SLC25A6: variants seen among roughly 807,000 people sequenced by gnomAD.
The protein encoded by SLC25A6 is solute carrier family 25 member 6.
SLC25A6 carries 9 observed loss-of-function variants against 25.7 expected under a neutral mutation model. That is an observed-to-expected ratio of 0.35 (90% CI 0.21 to 0.61). The LOEUF is 0.61. Ranked by LOEUF, SLC25A6 falls within the 20% of genes least tolerant of loss-of-function variation. The pLI, the probability that SLC25A6 is intolerant of heterozygous loss-of-function variation, is 0.76. For synonymous variants in SLC25A6, 223 were observed against 197.0 expected, an observed-to-expected ratio of 1.13 and a Z score of -1.11; for missense variants, 404 against 440.5, an observed-to-expected ratio of 0.92 and a Z score of 0.74.
chrX:1,388,476 T>C lies in SLC25A6; in HGVS notation c.598+765A>G, dbSNP rs1267888768. On this transcript the variant is annotated intron_variant, in intron 2 of 3. Transcript: ENST00000381401. ...CCCTGCCCACACCTGGATCTCAGACTTCCAGCCTCCAGGACTGTGGGAGAA... is the reference window on the plus strand; with the variant it reads ...CCCTGCCCACACCTGGATCTCAGACCTCCAGCCTCCAGGACTGTGGGAGAA... 2.0e-3 allele frequency among the ~76,000 whole-genome samples: 235 copies of C among 119,796 alleles called. No individual in the cohort carries two copies. The Middle Eastern group carries it at 0.028, about 14-fold the overall frequency. 78.6% of individuals were successfully genotyped at this position (119,796 alleles called of 152,430 possible).
At chrX:1,387,080 G>A (rs2089334930) in intron 3 of SLC25A6, among the ~76,000 whole-genome samples, 199 bp downstream of exon 3, 2 of 152,058 alleles carry the variant, frequency 1.3e-5, no homozygotes, top group Non-Finnish European at 2.9e-5. Context: ...ACTGCCGCCC[G>A]GACCATGAAA....
At position 1,387,263 on chromosome X, in the gene SLC25A6, C is replaced by T; in HGVS notation, c.739+16G>A. The T allele has an allele frequency of 1.2e-6, 2 of 1,609,280 alleles. No homozygotes were observed. The highest frequency in any genetic ancestry group is 1.7e-6 in the Non-Finnish European group (2 of 1,177,782). ...TCCCCTTCCCGGCAGCAAGGGTCCCCCGCCCCCCCGAGTACCTCCTTTGCG... is the reference window on the plus strand; with the variant it reads ...TCCCCTTCCCGGCAGCAAGGGTCCCTCGCCCCCCCGAGTACCTCCTTTGCG... On this transcript the variant is annotated intron_variant, in intron 3 of 3. Coordinates refer to ENST00000381401, the MANE Select transcript of SLC25A6 (RefSeq NM_001636.4).
At position 1,388,359 on chromosome X, in the gene SLC25A6, G is replaced by A. The variant is rs761959975; in HGVS notation, c.598+882C>T. Among the ~76,000 whole-genome samples the A allele has an allele frequency of 2.7e-5, 4 of 148,636 alleles. No individual in the cohort carries two copies. The East Asian group carries it at 6.0e-4, about 22-fold the overall frequency. ...AAGACATCTCATCAGAAGAGGACAC[G>A]AGGACACAGACACACACAGAGGGAC... On this transcript the variant is annotated intron_variant, in intron 2 of 3. Transcript: ENST00000381401.
chrX:1,389,560 A>G lies in SLC25A6; in HGVS notation c.279T>C (p.Asp93=), dbSNP rs2089374802. The change falls in exon 2 of 4, where the codon GAT becomes GAC. Residue 93 remains aspartate (D), a synonymous_variant. Coordinates refer to ENST00000381401, the MANE Select transcript of SLC25A6 (RefSeq NM_001636.4). ...CCCCCAGGAAGATCTGCTTGTACTTATCCTTGAAGGCGAAGTTGAGGGCTT... is the reference window on the plus strand; with the variant it reads ...CCCCCAGGAAGATCTGCTTGTACTTGTCCTTGAAGGCGAAGTTGAGGGCTT... The part of the protein sequence containing the change: ...PTQALNFAFK[D]KYKQIFLGGV... 6.2e-7 allele frequency: 1 copy of G among 1,614,074 alleles called. No homozygotes were observed. The highest frequency in any genetic ancestry group is 1.7e-5 in the Admixed American group (1 of 59,992).
chrX:1,388,209 G>A lies in SLC25A6; in HGVS notation c.599-790C>T, dbSNP rs775329864. On this transcript the variant is annotated intron_variant, in intron 2 of 3. Coordinates refer to ENST00000381401, the MANE Select transcript of SLC25A6 (RefSeq NM_001636.4). ...CAAGCCCAGGAGAGAGGCCTCAGGA[G>A]GAACCAGCCCTGCCCCACACCTTGA... Among the ~76,000 whole-genome samples the A allele has an allele frequency of 3.4e-4, 51 of 151,848 alleles. 1 individual carries two copies. In the East Asian group the frequency reaches 8.4e-3, roughly 25 times the overall value.
rs141545102 is a variant in SLC25A6, at chrX:1,389,701, G to A, written c.138C>T (p.Ala46=). Reference sequence around the variant, plus strand: ...CGATGCCCTTGTACTGCTTGTCGGCGGCGATCTGCTTGCTGGCGTGCTGGA... The same window carrying A: ...CGATGCCCTTGTACTGCTTGTCGGCAGCGATCTGCTTGCTGGCGTGCTGGA... The part of the protein sequence containing the change: ...LQVQHASKQI[A]ADKQYKGIVD... The change falls in exon 2 of 4, where the codon GCC becomes GCT. Residue 46 remains alanine (A), a synonymous_variant. Coordinates refer to ENST00000381401, the MANE Select transcript of SLC25A6 (RefSeq NM_001636.4). The A allele has an allele frequency of 4.0e-5, 64 of 1,612,862 alleles. 1 individual carries two copies. Among genetic ancestry groups the A allele is most frequent in the South Asian group, 3.8e-4 (35 of 91,018 alleles).
rs2089363695 is a variant in SLC25A6, at chrX:1,388,929, C to T, written c.598+312G>A. ...GCCCTGCCCACACCTGGATCTCAGA[C>T]CTCCAGCCTCCAGGACTGTAGGAAA... On this transcript the variant is annotated intron_variant, in intron 2 of 3. Transcript: ENST00000381401. Among the ~76,000 whole-genome samples, 7 of 150,374 alleles carry T rather than the reference C, an allele frequency of 4.7e-5. No individual in the cohort carries two copies. The Admixed American group carries it at 4.7e-4, about 10-fold the overall frequency.
At chrX:1,387,575 GT>G (rs1471789350) in intron 2 of SLC25A6, among the ~76,000 whole-genome samples, 156 bp from the exon 3 acceptor site, 2 of 152,128 alleles carry the variant, frequency 1.3e-5, no homozygotes, top group Non-Finnish European at 2.9e-5. Flanking sequence ...GCCAGCTGAC[GT>G]TTACAACACG....
rs752822633 is a variant in SLC25A6 at position 1,391,473 on chromosome X, G to A, written c.111+426C>T. On this transcript the variant is annotated intron_variant, in intron 1 of 3. Coordinates refer to ENST00000381401, the MANE Select transcript of SLC25A6 (RefSeq NM_001636.4). ...ATCCTGGTTATTCCAGGACACCTGC[G>A]GGCAGGCTCGTTGCCCTATTGGCCT... 5.9e-5 allele frequency among the ~76,000 whole-genome samples: 9 copies of A among 152,318 alleles called. No homozygotes were observed. In the East Asian group the frequency reaches 1.4e-3, roughly 23 times the overall value.
At chrX:1,387,531 G>A (rs2089341904) in intron 2 of SLC25A6, 112 bp from the exon 3 acceptor site, 3 of 1,437,228 alleles carry the variant, frequency 2.1e-6, no homozygotes, top group Non-Finnish European at 2.8e-6. Context: ...GCTCTTCCGA[G>A]ACCACCAGTG....
chrX:1,391,242 C>T (rs2089405026), intron 1 of SLC25A6, among the ~76,000 whole-genome samples: 1 of 152,182 alleles, frequency 6.6e-6, no homozygotes, highest in Non-Finnish European at 1.5e-5. Context: ...GGATCGCGGG[C>T]GTGACCTGTC....
intron 2 of SLC25A6, among the ~76,000 whole-genome samples, chrX:1,387,628 C>A (rs756291986): frequency 2.4e-4 from 37 of 152,318 alleles, no homozygotes; most frequent in African/African-American, 8.7e-4. Context: ...CCGCCTGCCA[C>A]CTACCGGAGC....
chrX:1,387,714 A>G (rs1186690387), intron 2 of SLC25A6, among the ~76,000 whole-genome samples: 2 of 152,192 alleles, frequency 1.3e-5, no homozygotes, highest in Admixed American at 6.5e-5. Flanking sequence ...CTGAAGGGTC[A>G]CCGTTACTAT....
At chrX:1,388,992 A>AT (rs2089364694) in intron 2 of SLC25A6, among the ~76,000 whole-genome samples, 1 of 150,068 alleles carries the variant, frequency 6.7e-6, no homozygotes, top group Non-Finnish European at 1.5e-5. Context: ...AGTCTATGGT[A>AT]TTCTGTGATA....
rs764211280 is a variant in SLC25A6, at chrX:1,391,976, A to G, written c.34T>C (p.Phe12Leu). ...GCGGCGGCGATGCCTCCGGCCAAGA[A>G]GTCTTTGGCGAAGGAGATGGCCTGT... Reference protein sequence around the residue: ...TEQAISFAKDFLAGGIAAAIS... With the variant: ...TEQAISFAKDLLAGGIAAAIS... The change falls in exon 1 of 4, where the codon TTC becomes CTC. Residue 12 changes from phenylalanine to leucine, a missense_variant. Physicochemically the swap from Phe to Leu is conservative, Grantham distance 22. Coordinates refer to ENST00000381401, the MANE Select transcript of SLC25A6 (RefSeq NM_001636.4). 6.2e-7 allele frequency: 1 copy of G among 1,609,502 alleles called. No homozygotes were observed. Among genetic ancestry groups the G allele is most frequent in the Non-Finnish European group, 8.5e-7 (1 of 1,178,868 alleles).
chrX:1,387,259 T>G lies in SLC25A6; in HGVS notation c.739+20A>C, dbSNP rs1231545412. 5.0e-6 allele frequency: 8 copies of G among 1,607,582 alleles called. No individual in the cohort carries two copies. The highest frequency in any genetic ancestry group is 6.8e-6 in the Non-Finnish European group (8 of 1,176,948). ...TGGTTCCCCTTCCCGGCAGCAAGGGTCCCCCGCCCCCCCGAGTACCTCCTT... is the reference window on the plus strand; with the variant it reads ...TGGTTCCCCTTCCCGGCAGCAAGGGGCCCCCGCCCCCCCGAGTACCTCCTT... On this transcript the variant is annotated intron_variant, in intron 3 of 3. Transcript: ENST00000381401.
At chrX:1,388,786 A>C (rs751965173) in intron 2 of SLC25A6, among the ~76,000 whole-genome samples, 65 of 152,014 alleles carry the variant, frequency 4.3e-4, no homozygotes, top group African/African-American at 1.5e-3. Flanking sequence ...GAAATGGATT[A>C]AGACATCTCA....
At position 1,391,832 on chromosome X, in the gene SLC25A6, CCCCGCCCGA is replaced by C. The variant is rs2089417611; in HGVS notation, c.111+58_111+66del. ...GCCTGCAAGGCTCTGCTGCCCACGT[CCCCGCCCGA>C]CCCGGCCACTCGGTTCCCGTCCCCT... is the stretch of plus-strand genomic sequence containing the variant. On this transcript the variant is annotated intron_variant, in intron 1 of 3. Coordinates refer to ENST00000381401, the MANE Select transcript of SLC25A6 (RefSeq NM_001636.4). 5 of 1,289,806 alleles carry C rather than the reference CCCCGCCCGA, an allele frequency of 3.9e-6. No homozygotes were observed. The South Asian group carries it at 5.2e-5, about 13-fold the overall frequency. 79.9% of individuals were successfully genotyped at this position (1,289,806 alleles called of 1,614,324 possible).
chrX:1,389,090 G>A (rs1439655286), intron 2 of SLC25A6, 151 bp downstream of exon 2: 11 of 735,786 alleles, frequency 1.5e-5, no homozygotes, highest in Non-Finnish European at 2.4e-5. Context: ...AGGGCACAGG[G>A]AGAAGACGGC....
Sources: gnomAD v4.1 joint callset for allele counts (sites outside exome capture counted in the v4.1 genomes callset) on GRCh38, gnomAD v4.1.1 for gene constraint, MANE v1.5 for transcripts, NCBI Gene and HGNC (gene_info 2026-07-23, HGNC 2026-07-21) for gene names.